CSMD3: variants seen among roughly 807,000 people sequenced by gnomAD.
CSMD3 encodes CUB and Sushi multiple domains 3, also known as CUB and sushi domain-containing protein 3.
In CSMD3, 177 loss-of-function variants were observed where a neutral mutation model predicts 435.2. The observed-to-expected ratio is 0.41, with a 90% confidence interval of 0.36 to 0.46. CSMD3 has a LOEUF of 0.46. Among genes scored for constraint, CSMD3 ranks in the 20% least tolerant of loss-of-function variants. The pLI is 0.34. For missense variants in CSMD3, 4,265 were observed against 4,504.6 expected (o/e 0.95, Z 1.52); for synonymous variants, 1,656 against 1,520.5 (o/e 1.09, Z -2.07).
At chr8:113,223,377 C>A (rs913734569) in intron 3 of CSMD3, among the ~76,000 whole-genome samples, 1 of 150,022 alleles carries the variant, frequency 6.7e-6, no homozygotes, top group Non-Finnish European at 1.5e-5. Flanking sequence ...GTTTTGTGAC[C>A]TTGGGACTTT....
chr8:112,328,496 T>C (rs1823725145), intron 45 of CSMD3, among the ~76,000 whole-genome samples: 1 of 152,268 alleles, frequency 6.6e-6, no homozygotes, highest in African/African-American at 2.4e-5. Flanking sequence ...TCTGCCTCTA[T>C]AAGGGAGAAT....
At chr8:113,290,617 C>A (rs924167112) in intron 2 of CSMD3, among the ~76,000 whole-genome samples, 3 of 151,574 alleles carry the variant, frequency 2.0e-5, no homozygotes, top group Non-Finnish European at 4.4e-5. Flanking sequence ...TATTTCTAAT[C>A]ATTTTAGGTT....
At chr8:112,412,665 A>C (rs185903185) in intron 32 of CSMD3, among the ~76,000 whole-genome samples, 179 of 152,250 alleles carry the variant, frequency 1.2e-3, no homozygotes, top group Admixed American at 4.0e-3. Flanking sequence ...GCAAACATAA[A>C]AATTATCTAG....
intron 4 of CSMD3, among the ~76,000 whole-genome samples, chr8:113,104,535 C>T (rs953903411): frequency 1.3e-5 from 2 of 152,008 alleles, no homozygotes; most frequent in Admixed American, 6.6e-5. Flanking sequence ...TAAAGAGAAA[C>T]CCCTTTCTCA....
intron 59 of CSMD3, among the ~76,000 whole-genome samples, chr8:112,275,933 T>A (rs902510456): frequency 3.9e-5 from 6 of 152,190 alleles, no homozygotes; most frequent in Non-Finnish European, 8.8e-5. Flanking sequence ...TTCCCAATAG[T>A]TCCCAAAAGT....
intron 58 of CSMD3, among the ~76,000 whole-genome samples, chr8:112,283,334 T>C (rs941148083): frequency 6.6e-6 from 1 of 151,858 alleles, no homozygotes; most frequent in African/African-American, 2.4e-5. Flanking sequence ...GAGAGAACTC[T>C]TATTTTAAAA....
intron 11 of CSMD3, among the ~76,000 whole-genome samples, chr8:112,840,225 T>C (rs2080140944): frequency 6.6e-6 from 1 of 151,774 alleles, no homozygotes; most frequent in South Asian, 2.1e-4. Context: ...TTTTTATTTC[T>C]GTCTTTGTGA....
intron 1 of CSMD3, among the ~76,000 whole-genome samples, chr8:113,404,237 G>T (rs2094522522): frequency 6.6e-6 from 1 of 151,258 alleles, no homozygotes; most frequent in South Asian, 2.1e-4. Context: ...TAAAATTAAT[G>T]AAATGCATAA....
Position 112,666,464 on chromosome 8 carries a change from G to A in CSMD3, c.2678-49C>T, listed in dbSNP as rs74719512. The A allele has an allele frequency of 6.2e-3, 9,502 of 1,533,586 alleles. 28 individuals are homozygous for A. Among genetic ancestry groups the A allele is most frequent in the Non-Finnish European group, 7.2e-3 (7,978 of 1,113,142 alleles). The allele number at this position is 1,533,586 out of a possible 1,614,324, so 95.0% of individuals were successfully genotyped here. A position where few individuals can be genotyped will look rare whatever the true frequency, so the allele number is the denominator to read the frequency against. ...AAGAATAAAACATTCAAGATAAATC[G>A]CAGATATTATTCTTAATACAAACAA... On this transcript the variant is annotated intron_variant, in intron 16 of 70. Coordinates refer to ENST00000297405, the MANE Select transcript of CSMD3 (RefSeq NM_198123.2).
intron 22 of CSMD3, among the ~76,000 whole-genome samples, chr8:112,632,966 T>C (rs2131563697): frequency 6.6e-6 from 1 of 152,092 alleles, no homozygotes; most frequent in South Asian, 2.1e-4. Context: ...AATATCATTT[T>C]TTCTGTTTTT....
chr8:112,505,687 T>C (rs1387540500), intron 29 of CSMD3, among the ~76,000 whole-genome samples: 1 of 152,130 alleles, frequency 6.6e-6, no homozygotes, highest in Non-Finnish European at 1.5e-5. Flanking sequence ...TACGTTTTTT[T>C]TCTGAAAAAC....
chr8:112,574,630 C>T (rs532642099), intron 23 of CSMD3, among the ~76,000 whole-genome samples: 3 of 152,078 alleles, frequency 2.0e-5, no homozygotes, highest in African/African-American at 7.2e-5. Context: ...GGCATGCATT[C>T]TCAACATAAT....
intron 5 of CSMD3, among the ~76,000 whole-genome samples, chr8:113,050,565 C>A (rs1308910113): frequency 6.6e-6 from 1 of 151,690 alleles, no homozygotes; most frequent in East Asian, 1.9e-4. Flanking sequence ...TCACACATGT[C>A]AAAACAAGAA....
At chr8:112,762,337 G>A (rs887863861) in intron 13 of CSMD3, among the ~76,000 whole-genome samples, 13 of 152,016 alleles carry the variant, frequency 8.6e-5, no homozygotes, top group Middle Eastern at 3.4e-3. Flanking sequence ...TATCGGATTA[G>A]ATGATTCAAT....
At chr8:112,616,312 C>G (rs894606145) in intron 22 of CSMD3, among the ~76,000 whole-genome samples, 1 of 151,816 alleles carries the variant, frequency 6.6e-6, no homozygotes, top group African/African-American at 2.4e-5. Context: ...ATGACATAAG[C>G]ATTTTTAGTG....
At position 112,980,847 on chromosome 8, in the gene CSMD3, G is replaced by A. The variant is rs549411430; in HGVS notation, c.1031-4699C>T. Among the ~76,000 whole-genome samples the A allele has an allele frequency of 4.8e-3, 729 of 151,594 alleles. 3 individuals carry two copies. Among genetic ancestry groups the A allele is most frequent in the Non-Finnish European group, 8.1e-3 (550 of 67,564 alleles). On this transcript the variant is annotated intron_variant, in intron 6 of 70. Transcript: ENST00000297405. ...ATTAATTTCAGTATTTTAAAATCTG[G>A]CTACCATAGTATTCAACAGTTCAAA...
At chr8:113,359,510 C>G (rs1034862935) in intron 1 of CSMD3, among the ~76,000 whole-genome samples, 3 of 152,174 alleles carry the variant, frequency 2.0e-5, no homozygotes, top group Non-Finnish European at 4.4e-5. Flanking sequence ...TGGATTGGTT[C>G]TCTAGGACCT....
At chr8:113,218,900 T>A (rs1052538613) in intron 3 of CSMD3, among the ~76,000 whole-genome samples, 8 of 151,304 alleles carry the variant, frequency 5.3e-5, no homozygotes, top group Non-Finnish European at 7.4e-5. Flanking sequence ...ATGATTTCTA[T>A]ATACCTTATA....
At chr8:112,693,524 C>A (rs1391196073) in intron 13 of CSMD3, among the ~76,000 whole-genome samples, 1 of 151,966 alleles carries the variant, frequency 6.6e-6, no homozygotes. Flanking sequence ...AATATGATAT[C>A]AAATTGATTT....
Sources: gnomAD v4.1 joint callset for allele counts (sites outside exome capture counted in the v4.1 genomes callset) on GRCh38, gnomAD v4.1.1 for gene constraint, MANE v1.5 for transcripts, NCBI Gene and HGNC (gene_info 2026-07-23, HGNC 2026-07-21) for gene names.